BMERB1: variants seen among roughly 807,000 people sequenced by gnomAD.
BMERB1 encodes bMERB domain-containing protein 1.
BMERB1 carries 12 observed loss-of-function variants against 23.6 expected under a neutral mutation model. The ratio of observed to expected loss-of-function variants is 0.51; its 90% CI spans 0.33 to 0.82. BMERB1 has a LOEUF of 0.82. Among genes scored for constraint, BMERB1 ranks in the 40% least tolerant of loss-of-function variants. BMERB1 has a pLI of 0.03. For synonymous variants in BMERB1, 122 were observed against 96.6 expected (o/e 1.26, Z -1.54); for missense variants, 247 against 255.4 (o/e 0.97, Z 0.22).
intron 2 of BMERB1, among the ~76,000 whole-genome samples, chr16:15,563,381 G>A (rs781203118): frequency 1.9e-4 from 29 of 151,858 alleles, no homozygotes; most frequent in Admixed American, 1.6e-3. Context: ...CACCACGCCC[G>A]GCTAATTTTT....
At chr16:15,451,552 C>CTTTT (rs35544766) in intron 1 of BMERB1, among the ~76,000 whole-genome samples, 52 of 84,006 alleles carry the variant, frequency 6.2e-4, no homozygotes, top group South Asian at 8.5e-4. Context: ...CTTAGTATTT[C>CTTTT]TTTTTTTTTT....
chr16:15,476,865 C>T (rs900460510), intron 1 of BMERB1, among the ~76,000 whole-genome samples: 7 of 152,206 alleles, frequency 4.6e-5, no homozygotes, highest in African/African-American at 1.7e-4. Context: ...GGAATCAGAG[C>T]ATCACCACCT....
At chr16:15,507,279 C>A (rs1014319503) in intron 1 of BMERB1, among the ~76,000 whole-genome samples, 1 of 152,194 alleles carries the variant, frequency 6.6e-6, no homozygotes, top group African/African-American at 2.4e-5. Flanking sequence ...CCTGGGTAGC[C>A]TTACTTTTTG....
intron 1 of BMERB1, among the ~76,000 whole-genome samples, chr16:15,503,262 T>A (rs2051548793): frequency 6.6e-6 from 1 of 152,164 alleles, no homozygotes; most frequent in South Asian, 2.1e-4. Context: ...CACCCTGTTA[T>A]ATCCGGGTCT....
intron 2 of BMERB1, among the ~76,000 whole-genome samples, chr16:15,555,075 G>A (rs1465765877): frequency 6.6e-6 from 1 of 152,062 alleles, no homozygotes; most frequent in African/African-American, 2.4e-5. Context: ...GGAAACCCAC[G>A]TCAAGAAAAT....
chr16:15,581,521 G>T, intron 4 of BMERB1, 190 bp downstream of exon 4: 1 of 485,712 alleles, frequency 2.1e-6, no homozygotes, highest in East Asian at 3.2e-5. Flanking sequence ...GTATATAAGA[G>T]AATTTCAAAT....
chr16:15,434,947 G>T (rs1371366699), intron 1 of BMERB1, among the ~76,000 whole-genome samples, 188 bp downstream of exon 1: 1 of 152,244 alleles, frequency 6.6e-6, no homozygotes. Flanking sequence ...AAAAGGGGGG[G>T]ACCCTCCGGG....
rs369696693 is a variant in BMERB1, at chr16:15,464,027, T to C, written c.106+29268T>C. Among the ~76,000 whole-genome samples, 64 of 152,168 alleles carry C rather than the reference T, an allele frequency of 4.2e-4. 1 individual carries two copies. The South Asian group carries it at 0.013, about 31-fold the overall frequency. On this transcript the variant is annotated intron_variant, in intron 1 of 5. Coordinates refer to ENST00000300006, the MANE Select transcript of BMERB1 (RefSeq NM_033201.3). ...AGTAGTTTATTAGAGAAGTAAAGAA[T>C]CAAGGCCGCGCACAGTGGCTCATGC... is the stretch of plus-strand genomic sequence containing the variant.
chr16:15,471,504 G>C (rs1020358113), intron 1 of BMERB1, among the ~76,000 whole-genome samples: 7 of 152,168 alleles, frequency 4.6e-5, no homozygotes, highest in Non-Finnish European at 1.0e-4. Flanking sequence ...TGCGTAAAAA[G>C]TTGTTTGCAG....
At chr16:15,477,651 A>G (rs2051285464) in intron 1 of BMERB1, among the ~76,000 whole-genome samples, 2 of 152,072 alleles carry the variant, frequency 1.3e-5, no homozygotes, top group Non-Finnish European at 2.9e-5. Flanking sequence ...ATGAATAAAA[A>G]ATCCTGTTGC....
At position 15,511,972 on chromosome 16, in the gene BMERB1, C is replaced by T. The variant is rs550579893; in HGVS notation, c.107-3333C>T. ...AGGTTGCAATGAGCAGAGATTGCAT[C>T]ACCACGCTCCAGCCTGGGCAACAGA... On this transcript the variant is annotated intron_variant, in intron 1 of 5. Coordinates refer to ENST00000300006, the MANE Select transcript of BMERB1 (RefSeq NM_033201.3). Among the ~76,000 whole-genome samples the T allele has an allele frequency of 4.7e-5, 6 of 127,434 alleles. No individual in the cohort carries two copies. The Middle Eastern group carries it at 0.035, about 750-fold the overall frequency. The allele number at this position is 127,434 out of a possible 152,430, so 83.6% of individuals were successfully genotyped here.
chr16:15,558,529 A>G (rs1239094235), intron 2 of BMERB1, among the ~76,000 whole-genome samples: 1 of 152,146 alleles, frequency 6.6e-6, no homozygotes, highest in Non-Finnish European at 1.5e-5. Flanking sequence ...GCATTTGCAC[A>G]GGTTCAGTTG....
intron 1 of BMERB1, among the ~76,000 whole-genome samples, chr16:15,454,559 A>G (rs1054671237): frequency 2.6e-5 from 4 of 151,968 alleles, no homozygotes; most frequent in African/African-American, 9.7e-5. Context: ...TTGGGAGGCC[A>G]AGGCGGGTGG....
At chr16:15,560,812 T>TA (rs1471488319) in intron 2 of BMERB1, among the ~76,000 whole-genome samples, 11 of 149,186 alleles carry the variant, frequency 7.4e-5, no homozygotes, top group East Asian at 1.9e-4. Context: ...TAAAATAAAA[T>TA]AAATAAATAA....
intron 2 of BMERB1, among the ~76,000 whole-genome samples, chr16:15,519,962 C>T (rs562387535): frequency 5.3e-4 from 80 of 152,082 alleles, no homozygotes; most frequent in Non-Finnish European, 5.7e-4. Context: ...CGTCCTTGGT[C>T]TGTGACCTTG....
At chr16:15,513,109 C>A (rs569274977) in intron 1 of BMERB1, among the ~76,000 whole-genome samples, 3 of 152,182 alleles carry the variant, frequency 2.0e-5, no homozygotes, top group Non-Finnish European at 4.4e-5. Context: ...GAGTCTCCCC[C>A]ACTACCGATC....
intron 1 of BMERB1, among the ~76,000 whole-genome samples, chr16:15,505,257 T>C (rs1196004575): frequency 6.6e-6 from 1 of 152,200 alleles, no homozygotes; most frequent in Non-Finnish European, 1.5e-5. Context: ...CAGTGGTACT[T>C]TCATGCTTGT....
chr16:15,458,375 G>T (rs1026275762), intron 1 of BMERB1, among the ~76,000 whole-genome samples: 3 of 152,086 alleles, frequency 2.0e-5, no homozygotes, highest in Non-Finnish European at 4.4e-5. Context: ...CTGAATCTTT[G>T]TGGAATAAAA....
intron 5 of BMERB1, among the ~76,000 whole-genome samples, chr16:15,586,358 T>C (rs1232529658): frequency 2.0e-5 from 3 of 152,298 alleles, no homozygotes; most frequent in Middle Eastern, 3.4e-3. Flanking sequence ...AGCCCTCAGA[T>C]TGAAGTGACT....
Sources: allele counts gnomAD v4.1 joint callset (sites outside exome capture counted in the v4.1 genomes callset), GRCh38; gene constraint gnomAD v4.1.1; transcripts MANE v1.5; gene names NCBI Gene and HGNC (gene_info 2026-07-23, HGNC 2026-07-21).